SLC24A2: variants seen among roughly 807,000 people sequenced by gnomAD.
SLC24A2 encodes the protein sodium/potassium/calcium exchanger 2.
Under a neutral mutation model 62.0 loss-of-function variants are expected in SLC24A2, and 36 were observed. That is an observed-to-expected ratio of 0.58 (90% CI 0.44 to 0.77). The LOEUF (loss-of-function observed/expected upper bound fraction) is 0.77, where lower values mean the gene tolerates loss of function less well. Among genes scored for constraint, SLC24A2 ranks in the 30% least tolerant of loss-of-function variants. The probability of loss-of-function intolerance (pLI) is 0.00; values close to 1 mark genes in which losing one functional copy is unlikely to be tolerated. For missense variants in SLC24A2, 846 were observed against 817.9 expected (o/e 1.03, Z -0.42); for synonymous variants, 358 against 294.0 (o/e 1.22, Z -2.23).
At chr9:20,303,836 T>C in the SLC24A2 span, among the ~76,000 whole-genome samples, 4 of 152,214 alleles carry the variant, frequency 2.6e-5, no homozygotes, top group Admixed American at 6.5e-5. Context: ...TCCTAGTCTT[T>C]GCATCTTATC....
chr9:19,791,314 G>C (rs1377806899), upstream of SLC24A2, among the ~76,000 whole-genome samples: 2 of 152,192 alleles, frequency 1.3e-5, no homozygotes, highest in Non-Finnish European at 2.9e-5. Flanking sequence ...TTTTTATTTA[G>C]GAAGGGATTC....
intron 2 of SLC24A2, among the ~76,000 whole-genome samples, chr9:19,697,424 C>T (rs1314060062): frequency 6.6e-6 from 1 of 152,032 alleles, no homozygotes; most frequent in Non-Finnish European, 1.5e-5. Flanking sequence ...GGCATATGTA[C>T]CCCAGAATTT....
the SLC24A2 span, among the ~76,000 whole-genome samples, chr9:20,224,559 T>C: frequency 2.6e-5 from 4 of 152,078 alleles, no homozygotes; most frequent in Admixed American, 2.0e-4. Context: ...ATTGTAGAAG[T>C]TCATAGTCTA....
chr9:19,962,993 G>A, the SLC24A2 span, among the ~76,000 whole-genome samples: 1 of 152,090 alleles, frequency 6.6e-6, no homozygotes, highest in African/African-American at 2.4e-5. Context: ...TTGGCTGTGG[G>A]TTTTTCATAG....
At chr9:20,247,511 G>C in the SLC24A2 span, among the ~76,000 whole-genome samples, 150 of 152,240 alleles carry the variant, frequency 9.9e-4, 3 homozygotes, top group East Asian at 0.026. Context: ...AGTTGAGAAC[G>C]ACTCCTTACC....
the SLC24A2 span, among the ~76,000 whole-genome samples, chr9:20,292,663 T>C: frequency 1.3e-5 from 2 of 152,166 alleles, no homozygotes; most frequent in African/African-American, 4.8e-5. Flanking sequence ...TGGAGTGCAA[T>C]GGCACAAACA....
chr9:19,517,910 A>AACACACACACACACACACACACAC (rs56840950), intron 10 of SLC24A2, among the ~76,000 whole-genome samples: 1 of 131,630 alleles, frequency 7.6e-6, no homozygotes, highest in African/African-American at 2.8e-5. Context: ...TTCTTATTAA[A>AACACACACACACACACACACACAC]ACACACACAC....
At chr9:20,103,448 C>G in the SLC24A2 span, among the ~76,000 whole-genome samples, 1 of 152,206 alleles carries the variant, frequency 6.6e-6, no homozygotes, top group South Asian at 2.1e-4. Flanking sequence ...GAGGCACCCC[C>G]CAGCAGGGGC....
chr9:19,656,927 T>C (rs1198357057), intron 2 of SLC24A2, among the ~76,000 whole-genome samples: 1 of 152,166 alleles, frequency 6.6e-6, no homozygotes, highest in Non-Finnish European at 1.5e-5. Context: ...TCCTCAGGGA[T>C]TCACTAGGGT....
intron 7 of SLC24A2, among the ~76,000 whole-genome samples, chr9:19,550,803 G>C (rs1834807262): frequency 6.6e-6 from 1 of 151,444 alleles, no homozygotes; most frequent in African/African-American, 2.4e-5. Context: ...CTTCCCACTG[G>C]CCTTGGAATA....
chr9:19,976,484 C>G, the SLC24A2 span, among the ~76,000 whole-genome samples: 5 of 152,198 alleles, frequency 3.3e-5, no homozygotes, highest in Non-Finnish European at 7.3e-5. Context: ...TACTTCCCCT[C>G]CACCTTCTAC....
chr9:19,608,307 C>T (rs1587029048), intron 4 of SLC24A2, among the ~76,000 whole-genome samples: 1 of 151,208 alleles, frequency 6.6e-6, no homozygotes. Context: ...TATGAAAGCT[C>T]ATTTTGAAGC....
chr9:19,735,939 T>C (rs1368492764), intron 2 of SLC24A2, among the ~76,000 whole-genome samples: 1 of 152,116 alleles, frequency 6.6e-6, no homozygotes, highest in African/African-American at 2.4e-5. Context: ...CACAACAACA[T>C]GGCACATGTA....
chr9:19,806,641 G>A, the SLC24A2 span, among the ~76,000 whole-genome samples: 15 of 152,120 alleles, frequency 9.9e-5, no homozygotes, highest in Non-Finnish European at 1.9e-4. Flanking sequence ...ATATAGGAGA[G>A]TTAATCTATT....
At chr9:20,188,458 G>A in the SLC24A2 span, among the ~76,000 whole-genome samples, 1 of 152,170 alleles carries the variant, frequency 6.6e-6, no homozygotes, top group African/African-American at 2.4e-5. Context: ...AGAGTAGTGT[G>A]GTAAGCAGAA....
At chr9:19,907,810 A>G in the SLC24A2 span, among the ~76,000 whole-genome samples, 1 of 152,212 alleles carries the variant, frequency 6.6e-6, no homozygotes, top group Non-Finnish European at 1.5e-5. Context: ...GAAAACTACA[A>G]ACCACTGCTC....
At chr9:20,235,267 T>C in the SLC24A2 span, among the ~76,000 whole-genome samples, 1 of 152,228 alleles carries the variant, frequency 6.6e-6, no homozygotes, top group Admixed American at 6.5e-5. Flanking sequence ...GACAGGGACA[T>C]TTAAGTCTGC....
chr9:20,174,448 C>A, the SLC24A2 span, among the ~76,000 whole-genome samples: 2 of 151,880 alleles, frequency 1.3e-5, no homozygotes, highest in Admixed American at 1.3e-4. Flanking sequence ...ACTTCACAAT[C>A]TATACATCTG....
intron 2 of SLC24A2, among the ~76,000 whole-genome samples, chr9:19,775,878 T>G (rs1391421722): frequency 6.6e-6 from 1 of 152,208 alleles, no homozygotes; most frequent in East Asian, 1.9e-4. Context: ...AGTACAGCTT[T>G]GCAGGGCAGC....
Sources: allele counts gnomAD v4.1 joint callset (sites outside exome capture counted in the v4.1 genomes callset), GRCh38; gene constraint gnomAD v4.1.1; transcripts MANE v1.5; gene names NCBI Gene and HGNC (gene_info 2026-07-23, HGNC 2026-07-21).